Variants in ZDHHC24 observed in about 807,000 individuals in gnomAD.
The protein encoded by ZDHHC24 is probable palmitoyltransferase ZDHHC24.
Under a neutral mutation model 23.2 loss-of-function variants are expected in ZDHHC24, and 17 were observed. That is an observed-to-expected ratio of 0.73 (90% CI 0.50 to 1.10). ZDHHC24 has a LOEUF of 1.10. ZDHHC24 is among the 50% of genes least tolerant of loss of function. The pLI is 0.00. For synonymous variants in ZDHHC24, 186 were observed against 194.5 expected (o/e 0.96, Z 0.36); for missense variants, 366 against 393.0 (o/e 0.93, Z 0.58).
At chr11:66,533,124 C>T (rs1856849583), downstream of ZDHHC24, 1 of 152,112 alleles carries the variant, frequency 6.6e-6, no homozygotes, top group African/African-American at 2.4e-5. Flanking sequence ...ATACATGAAC[C>T]GTGCCATGAG....
At chr11:66,531,053 A>G (rs764975304), downstream of ZDHHC24, 15 of 1,613,680 alleles carry the variant, frequency 9.3e-6, no homozygotes, top group Non-Finnish European at 5.9e-6. Flanking sequence ...TCACTTAGAT[A>G]TGGAGTGGGA....
chr11:66,530,954 C>A (rs369653969), downstream of ZDHHC24: 110 of 1,614,118 alleles, frequency 6.8e-5, no homozygotes, highest in Non-Finnish European at 8.8e-5. Context: ...CTCAACAACC[C>A]GTCCTGTCCT....
chr11:66,521,317 T>C lies in ZDHHC24; in HGVS notation c.*171A>G, dbSNP rs367686869. ...TCTTCCTAGAGGTTTCTGGCCAGTT[T>C]GATGTTGAGTTCCGGCTTGCCGCGG... On this transcript the variant is annotated 3_prime_UTR_variant, in exon 5 of 5. Transcript: ENST00000526986. 1.9e-6 allele frequency: 3 copies of C among 1,614,132 alleles called. No individual in the cohort carries two copies. Among genetic ancestry groups the C allele is most frequent in the Non-Finnish European group, 2.5e-6 (3 of 1,180,048 alleles).
chr11:66,527,050 A>G (rs1170162334), intron 3 of ZDHHC24: 2 of 1,526,384 alleles, frequency 1.3e-6, no homozygotes. Context: ...GGAAGGGAGC[A>G]GTCACTTCCA....
At chr11:66,531,873 C>T, downstream of ZDHHC24, 2 of 1,589,052 alleles carry the variant, frequency 1.3e-6, no homozygotes, top group Non-Finnish European at 1.7e-6. Flanking sequence ...AGCCCTGTGG[C>T]CTGTCATTAG....
intron 2 of ZDHHC24, 126 bp from the exon 3 acceptor site, chr11:66,539,950 G>T: frequency 1.0e-6 from 1 of 979,634 alleles, no homozygotes; most frequent in Non-Finnish European, 1.4e-6. Flanking sequence ...GATACTCGCT[G>T]GCCAGCCCGT....
rs372170090 is a variant in ZDHHC24 at position 66,526,240 on chromosome 11, G to A, written c.*21+696C>T. ...AGGGCTTTGAAGTCGGGAGTGAAGG[G>A]ACAGGCCTGCTTCTGGGGAAAGAGG... is the stretch of plus-strand genomic sequence containing the variant. On this transcript the variant is annotated intron_variant, in intron 4 of 4. Transcript: ENST00000526986. The A allele has an allele frequency of 1.9e-6, 3 of 1,562,384 alleles. No individual in the cohort carries two copies. The African/African-American group carries it at 4.1e-5, about 21-fold the overall frequency.
chr11:66,531,802 G>T (rs1446351544), downstream of ZDHHC24: 1 of 1,613,504 alleles, frequency 6.2e-7, no homozygotes, highest in Non-Finnish European at 8.5e-7. Flanking sequence ...GACAGTAAGG[G>T]TGAGTGCCAA....
intron 2 of ZDHHC24, among the ~76,000 whole-genome samples, chr11:66,541,479 G>A (rs557148556): frequency 8.5e-5 from 13 of 152,200 alleles, no homozygotes; most frequent in Non-Finnish European, 1.0e-4. Context: ...GCAGGTGGAC[G>A]GTCTGCAGGT....
At chr11:66,543,065 G>C (rs1857197950) in intron 2 of ZDHHC24, among the ~76,000 whole-genome samples, 1 of 152,150 alleles carries the variant, frequency 6.6e-6, no homozygotes, top group East Asian at 1.9e-4. Flanking sequence ...GAAGGAATGG[G>C]GGCGAGAAAG....
intron 2 of ZDHHC24, chr11:66,542,799 T>C (rs893807939): frequency 6.5e-6 from 1 of 153,160 alleles, no homozygotes; most frequent in Non-Finnish European, 1.5e-5. Context: ...CACAAGGTGG[T>C]AGGGCAGTGC....
Position 66,523,896 on chromosome 11 carries a change from C to G in ZDHHC24, c.*22-2430G>C, listed in dbSNP as rs780822511. On this transcript the variant is annotated intron_variant, in intron 4 of 4. Coordinates refer to the ZDHHC24 transcript ENST00000526986. Reference sequence around the variant, plus strand: ...ATCCACACCCCGGTGAGCCCCATCTCCGGCATCTGCCACTCACTCCTCCTT... The same window carrying G: ...ATCCACACCCCGGTGAGCCCCATCTGCGGCATCTGCCACTCACTCCTCCTT... 23 of 1,612,024 alleles carry G rather than the reference C, an allele frequency of 1.4e-5. No homozygotes were observed. Among genetic ancestry groups the G allele is most frequent in the African/African-American group, 2.7e-5 (2 of 74,946 alleles).
At chr11:66,529,858 G>T in intron 2 of ZDHHC24, 1 of 1,610,744 alleles carries the variant, frequency 6.2e-7, no homozygotes. Flanking sequence ...TACCTGCTGC[G>T]CCTACGTGCT....
intron 2 of ZDHHC24, among the ~76,000 whole-genome samples, chr11:66,540,684 C>G (rs565623439): frequency 1.3e-5 from 2 of 151,344 alleles, no homozygotes; most frequent in African/African-American, 4.9e-5. Flanking sequence ...GCCAAGATTG[C>G]GCCATTGCAC....
chr11:66,532,100 C>A (rs1433438323), downstream of ZDHHC24: 2 of 1,503,670 alleles, frequency 1.3e-6, no homozygotes, highest in African/African-American at 1.4e-5. Flanking sequence ...GGTTTAGTGG[C>A]CCCAGGCCCA....
exon 3 of ZDHHC24, chr11:66,529,430 G>T: frequency 1.1e-6 from 1 of 921,862 alleles, no homozygotes; most frequent in Non-Finnish European, 1.7e-6. Context: ...ACAATATCGA[G>T]CGTGGACACC....
At chr11:66,521,885 A>G (rs560058265) in intron 4 of ZDHHC24, among the ~76,000 whole-genome samples, 1 of 125,206 alleles carries the variant, frequency 8.0e-6, no homozygotes, top group Admixed American at 8.5e-5. Flanking sequence ...AGCCTGGGTA[A>G]CGGAGCGAGA....
intron 3 of ZDHHC24, among the ~76,000 whole-genome samples, chr11:66,527,923 G>C (rs961244269): frequency 1.3e-5 from 2 of 152,040 alleles, no homozygotes; most frequent in African/African-American, 4.8e-5. Flanking sequence ...AGAGGCACAG[G>C]GTGTTGACCT....
Position 66,526,151 on chromosome 11 carries a change from G to A in ZDHHC24, c.*21+785C>T, listed in dbSNP as rs758139447. 42 of 1,614,050 alleles carry A rather than the reference G, an allele frequency of 2.6e-5. No individual in the cohort carries two copies. Among genetic ancestry groups the A allele is most frequent in the East Asian group, 2.0e-4 (9 of 44,896 alleles). ...GCAGTGACCAGCCTTTGCTTTGGCC[G>A]GTACGGGCGGGAGGACAACACCCTC... On this transcript the variant is annotated intron_variant, in intron 4 of 4. Coordinates refer to the ZDHHC24 transcript ENST00000526986.
Sources: gnomAD v4.1 joint callset for allele counts (sites outside exome capture counted in the v4.1 genomes callset) on GRCh38, gnomAD v4.1.1 for gene constraint, MANE v1.5 for transcripts, NCBI Gene and HGNC (gene_info 2026-07-23, HGNC 2026-07-21) for gene names.